Variants in ZNF568 observed in about 807,000 individuals in gnomAD.
ZNF568 encodes zinc finger protein 568.
ZNF568 carries 11 observed loss-of-function variants against 18.1 expected under a neutral mutation model. The observed-to-expected ratio is 0.61, with a 90% CI of 0.38 to 1.00. The LOEUF (loss-of-function observed/expected upper bound fraction) is 1.00, where lower values mean the gene tolerates loss of function less well. Ranked by LOEUF, ZNF568 falls within the 50% of genes least tolerant of loss-of-function variation. The probability of loss-of-function intolerance (pLI) is 0.01; values close to 1 mark genes in which losing one functional copy is unlikely to be tolerated. For synonymous variants in ZNF568, 213 were observed against 246.6 expected (o/e 0.86, Z 1.28); for missense variants, 639 against 768.2 (o/e 0.83, Z 1.99).
At chr19:36,971,187 G>T (rs887763345) in intron 6 of ZNF568, among the ~76,000 whole-genome samples, 1 of 151,452 alleles carries the variant, frequency 6.6e-6, no homozygotes, top group African/African-American at 2.4e-5. Flanking sequence ...GAGCTGAGAC[G>T]GCATCACTGC....
chr19:36,996,535 G>A (rs1417461255), exon 5 of ZNF568: 9 of 1,536,074 alleles, frequency 5.9e-6, no homozygotes, highest in Middle Eastern at 1.7e-4. Flanking sequence ...TCATACTGGA[G>A]AGAAATCCTG....
rs772611331 is a variant in ZNF568 at position 36,950,330 on chromosome 19, A to C, written c.1177A>C (p.Asn393His). ...CACAGGGGAGAAACCCTATAAATGT[A>C]ATAAATGTGGAAAAGCTTTCTCTCA... is the stretch of plus-strand genomic sequence containing the variant. ...SHTGEKPYKC[N>H]KCGKAFSQCS... Residue 393 changes from asparagine (N) to histidine (H), a missense_variant, in exon 7 of 7, where the codon AAT becomes CAT. Coordinates refer to ENST00000333987, the MANE Select transcript of ZNF568 (RefSeq NM_198539.4). The C allele has an allele frequency of 1.2e-6, 2 of 1,613,944 alleles. No individual in the cohort carries two copies. Among genetic ancestry groups the C allele is most frequent in the Non-Finnish European group, 1.7e-6 (2 of 1,179,842 alleles).
At chr19:36,962,277 G>GTTATTTTTT (rs1555736279) in intron 6 of ZNF568, among the ~76,000 whole-genome samples, 42 of 45,276 alleles carry the variant, frequency 9.3e-4, no homozygotes, top group African/African-American at 1.4e-3. Flanking sequence ...GTGTTGCAGT[G>GTTATTTTTT]TTTTTTTTTT....
At chr19:36,960,110 CTTTTTTTTTTTT>C (rs34588591) in intron 6 of ZNF568, among the ~76,000 whole-genome samples, 1 of 87,664 alleles carries the variant, frequency 1.1e-5, no homozygotes, top group Non-Finnish European at 2.2e-5. Context: ...AATTGTTCTA[CTTTTTTTTTTTT>C]TTTTTTTTTT....
intron 2 of ZNF568, among the ~76,000 whole-genome samples, chr19:36,987,702 G>A (rs569679203): frequency 1.3e-5 from 2 of 152,192 alleles, no homozygotes; most frequent in East Asian, 3.9e-4. Context: ...ATCAGCTCCT[G>A]ACAGTGGGGA....
chr19:36,932,380 G>A (rs113575920), intron 4 of ZNF568, among the ~76,000 whole-genome samples: 38,509 of 152,050 alleles, frequency 0.25, 5,645 homozygotes, highest in Non-Finnish European at 0.34. Context: ...CTGAAGTCAG[G>A]AGTTCAAGAC....
intron 4 of ZNF568, chr19:36,931,441 C>T (rs1255366937): frequency 6.6e-6 from 1 of 152,144 alleles, no homozygotes; most frequent in Non-Finnish European, 1.5e-5. Flanking sequence ...GGCTGGAGTA[C>T]AGTGGCATGA....
At chr19:36,976,501 T>G (rs1025447183) in intron 7 of ZNF568, 1 of 152,148 alleles carries the variant, frequency 6.6e-6, no homozygotes, top group African/African-American at 2.4e-5. Context: ...TTTCCTAGTA[T>G]ATAAAGTTAT....
intron 4 of ZNF568, among the ~76,000 whole-genome samples, chr19:36,993,695 C>T (rs766550754): frequency 3.4e-4 from 51 of 151,988 alleles, no homozygotes; most frequent in Admixed American, 2.6e-4. Flanking sequence ...TATAGTTATT[C>T]GTAGGAGTTC....
chr19:36,945,785 A>T (rs1055835973), intron 6 of ZNF568, among the ~76,000 whole-genome samples: 6 of 151,426 alleles, frequency 4.0e-5, no homozygotes. Context: ...GTGTTTTTTT[A>T]AATAGTGGAA....
At chr19:36,969,088 C>CTCCT (rs1347066369) in intron 6 of ZNF568, among the ~76,000 whole-genome samples, 1 of 152,164 alleles carries the variant, frequency 6.6e-6, no homozygotes, top group East Asian at 1.9e-4. Flanking sequence ...ATCTCCTGAC[C>CTCCT]TCCTGATCCA....
chr19:36,959,248 C>T (rs569921408), intron 6 of ZNF568, among the ~76,000 whole-genome samples: 1 of 152,192 alleles, frequency 6.6e-6, no homozygotes, highest in South Asian at 2.1e-4. Context: ...TTATCAGATG[C>T]TTTTTCTGCA....
chr19:36,949,548 A>G lies in ZNF568; in HGVS notation c.395A>G (p.Gln132Arg), dbSNP rs775037734. The G allele has an allele frequency of 1.9e-6, 3 of 1,601,398 alleles. No homozygotes were observed. Among genetic ancestry groups the G allele is most frequent in the Non-Finnish European group, 2.6e-6 (3 of 1,175,440 alleles). ...GTTGATGAACAGATCAAGAAGCAAC[A>G]GGAAACACTTGTGAGGAAAGTCACA... ...WEVDEQIKKQ[Q>R]ETLVRKVTSI... Residue 132 changes from glutamine (Q) to arginine (R), a missense_variant, in exon 7 of 7, where the codon CAG becomes CGG. By Grantham distance (43) the Gln-to-Arg change is conservative (BLOSUM62 1). Coordinates refer to ENST00000333987, the MANE Select transcript of ZNF568 (RefSeq NM_198539.4).
intron 6 of ZNF568, among the ~76,000 whole-genome samples, chr19:36,946,543 A>G (rs2073967412): frequency 6.6e-6 from 1 of 151,706 alleles, no homozygotes; most frequent in Non-Finnish European, 1.5e-5. Flanking sequence ...TTATTAGTTT[A>G]CCTCATTTTG....
chr19:36,941,727 T>C (rs1470843630), intron 6 of ZNF568, among the ~76,000 whole-genome samples: 2 of 152,202 alleles, frequency 1.3e-5, no homozygotes, highest in African/African-American at 4.8e-5. Flanking sequence ...GGTTATCATT[T>C]GTTTCTCTTA....
chr19:36,974,652 T>C (rs2074265676), intron 7 of ZNF568, among the ~76,000 whole-genome samples: 1 of 152,164 alleles, frequency 6.6e-6, no homozygotes, highest in African/African-American at 2.4e-5. Context: ...CATTGTCTCA[T>C]CTGATCTAGA....
exon 7 of ZNF568, chr19:36,974,426 G>A: frequency 6.5e-7 from 1 of 1,536,114 alleles, no homozygotes; most frequent in Non-Finnish European, 8.7e-7. Flanking sequence ...TAAGAACCCA[G>A]AAGAGGAGAG....
At chr19:36,973,355 A>G (rs1353823132) in intron 6 of ZNF568, 3 of 153,304 alleles carry the variant, frequency 2.0e-5, no homozygotes, top group African/African-American at 7.2e-5. Flanking sequence ...AGTTTAAAAG[A>G]CAGGTGGCTC....
chr19:36,991,911 G>A, intron 4 of ZNF568: 3 of 1,352,462 alleles, frequency 2.2e-6, no homozygotes, highest in Non-Finnish European at 3.0e-6. Context: ...TCTGTGAGAA[G>A]GCAGCACTTC....
Sources: gnomAD v4.1 joint callset for allele counts (sites outside exome capture counted in the v4.1 genomes callset) on GRCh38, gnomAD v4.1.1 for gene constraint, MANE v1.5 for transcripts, NCBI Gene and HGNC (gene_info 2026-07-23, HGNC 2026-07-21) for gene names.